RILPL2: variants seen among roughly 807,000 people sequenced by gnomAD.
RILPL2 encodes the protein Rab interacting lysosomal protein like 2, also known as RILP-like protein 2.
Under a neutral mutation model 22.2 loss-of-function variants are expected in RILPL2, and 19 were observed. The observed-to-expected ratio is 0.86, with a 90% CI of 0.60 to 1.25. The LOEUF (loss-of-function observed/expected upper bound fraction) is 1.25, where lower values mean the gene tolerates loss of function less well. Ranked by LOEUF, RILPL2 falls within the 50% of genes most tolerant of loss-of-function variation. The pLI, the probability that RILPL2 is intolerant of heterozygous loss-of-function variation, is 0.00. For missense variants in RILPL2, 243 were observed against 263.6 expected (o/e 0.92, Z 0.54); for synonymous variants, 123 against 111.6 (o/e 1.10, Z -0.64).
chr12:123,418,698 T>C (rs1249177096), intron 3 of RILPL2, among the ~76,000 whole-genome samples: 2 of 151,656 alleles, frequency 1.3e-5, no homozygotes, highest in Non-Finnish European at 2.9e-5. Context: ...TTGAAAAAAA[T>C]CCAGATTTCT....
At chr12:123,424,979 A>C (rs1238621869) in intron 2 of RILPL2, among the ~76,000 whole-genome samples, 36 of 151,852 alleles carry the variant, frequency 2.4e-4, no homozygotes, top group African/African-American at 8.5e-4. Flanking sequence ...TCCCGGGTTC[A>C]CGCCATTCTC....
At chr12:123,417,362 C>T (rs1262375689) in intron 3 of RILPL2, among the ~76,000 whole-genome samples, 1 of 151,920 alleles carries the variant, frequency 6.6e-6, no homozygotes, top group East Asian at 1.9e-4. Context: ...TCTCCCAACC[C>T]TTCTCCACAA....
chr12:123,411,034 A>T (rs1486784525), downstream of RILPL2: 2 of 148,656 alleles, frequency 1.3e-5, no homozygotes, highest in African/African-American at 2.5e-5. Context: ...ACTTATTTTT[A>T]TTTATTTATT....
chr12:123,426,740 T>C (rs1235403797), intron 2 of RILPL2, among the ~76,000 whole-genome samples: 2 of 151,976 alleles, frequency 1.3e-5, no homozygotes, highest in Admixed American at 6.6e-5. Flanking sequence ...TAGCTGGGAC[T>C]ACAGGTGCCC....
chr12:123,430,500 G>A lies in RILPL2; in HGVS notation c.491+8C>T, dbSNP rs1309613832. On this transcript the variant is annotated splice_region_variant and intron_variant, in intron 2 of 3. Coordinates refer to ENST00000280571, the MANE Select transcript of RILPL2 (RefSeq NM_145058.3). ...TGGGTGCAGGACCCTCCAGGCAGTG[G>A]AGCCCACCTCTTGTAGCACTGCAGC... The A allele has an allele frequency of 8.1e-6, 13 of 1,600,336 alleles. No homozygotes were observed. The highest frequency in any genetic ancestry group is 6.8e-5 in the Admixed American group (4 of 59,088).
intron 2 of RILPL2, among the ~76,000 whole-genome samples, chr12:123,424,268 A>C (rs979146086): frequency 6.6e-6 from 1 of 152,206 alleles, no homozygotes; most frequent in East Asian, 1.9e-4. Flanking sequence ...AGAAGGAAAC[A>C]GTCAATAAAG....
At position 123,415,723 on chromosome 12, in the gene RILPL2, G is replaced by A. The variant is rs1210175585; in HGVS notation, c.*168C>T. On this transcript the variant is annotated 3_prime_UTR_variant, in exon 4 of 4. Transcript: ENST00000280571. ...GGGTGTCTAGTTCTGCAGCCAGGGAGAAAGTGATGCCAAGAGAACCTCGTC... is the reference window on the plus strand; with the variant it reads ...GGGTGTCTAGTTCTGCAGCCAGGGAAAAAGTGATGCCAAGAGAACCTCGTC... 1.3e-6 allele frequency: 1 copy of A among 742,642 alleles called. No individual in the cohort carries two copies. The highest frequency in any genetic ancestry group is 2.5e-5 in the East Asian group (1 of 40,658). The allele number at this position is 742,642 out of a possible 1,614,324, so 46.0% of individuals were successfully genotyped here.
At chr12:123,425,652 T>C (rs1879423868) in intron 2 of RILPL2, among the ~76,000 whole-genome samples, 1 of 139,492 alleles carries the variant, frequency 7.2e-6, no homozygotes. Flanking sequence ...TCTTAATATC[T>C]ACTTTTTTTT....
At position 123,436,660 on chromosome 12, in the gene RILPL2, G is replaced by A; in HGVS notation, c.-240C>T. On this transcript the variant is annotated 5_prime_UTR_variant, in exon 1 of 4. Transcript: ENST00000280571. The surrounding 1 kb of genome is among the most constrained non-coding windows in gnomAD (Gnocchi z 6.7). ...GAGAGTGCGCTCCAGGATGTGGTTT[G>A]GGGCGCGAAGGGACAACGGAAAAGG... The A allele has an allele frequency of 1.6e-6, 1 of 617,824 alleles. No individual in the cohort carries two copies. Among genetic ancestry groups the A allele is most frequent in the South Asian group, 2.3e-5 (1 of 44,292 alleles). 38.3% of individuals were successfully genotyped at this position (617,824 alleles called of 1,614,324 possible).
intron 2 of RILPL2, among the ~76,000 whole-genome samples, chr12:123,426,350 T>C (rs1458669276): frequency 6.6e-6 from 1 of 152,034 alleles, no homozygotes; most frequent in South Asian, 2.1e-4. Context: ...AGTTTTGCCA[T>C]GTTGGCCAGG....
intron 1 of RILPL2, 64 bp from the exon 2 acceptor site, chr12:123,430,723 A>T: frequency 8.9e-7 from 1 of 1,123,216 alleles, no homozygotes; most frequent in Non-Finnish European, 1.1e-6. Flanking sequence ...TATTATTATT[A>T]TATTTTTAGA....
At chr12:123,429,802 C>T (rs1879564333) in intron 2 of RILPL2, among the ~76,000 whole-genome samples, 1 of 151,654 alleles carries the variant, frequency 6.6e-6, no homozygotes, top group African/African-American at 2.4e-5. Flanking sequence ...AGACTGGCCT[C>T]TTGTCATTCT....
intron 3 of RILPL2, among the ~76,000 whole-genome samples, chr12:123,416,885 G>T (rs929112031): frequency 6.6e-6 from 1 of 152,156 alleles, no homozygotes; most frequent in Non-Finnish European, 1.5e-5. Context: ...ATGCCTTCTG[G>T]AAGCCTGATT....
chr12:123,418,396 C>A (rs1379132669), intron 3 of RILPL2, among the ~76,000 whole-genome samples: 1 of 152,196 alleles, frequency 6.6e-6, no homozygotes, highest in Non-Finnish European at 1.5e-5. Context: ...CCTCTCTCTC[C>A]CGTTCTGTCC....
chr12:123,409,487 G>C, the RILPL2 span: 1 of 151,806 alleles, frequency 6.6e-6, no homozygotes, highest in African/African-American at 2.4e-5. Flanking sequence ...AGAACTCTGA[G>C]CTCTTTCGTT....
rs953549035 is a variant in RILPL2, at chr12:123,436,380, C to A, written c.41G>T (p.Gly14Val). The change falls in exon 1 of 4, where the codon GGA (glycine) becomes GTA (valine). Residue 14 changes from glycine to valine, a missense_variant. Coordinates refer to ENST00000280571, the MANE Select transcript of RILPL2 (RefSeq NM_145058.3). The surrounding 1 kb of genome is among the most constrained non-coding windows in gnomAD (Gnocchi z 6.7). Reference protein sequence around the residue: ...PPVREEEEEEGEEDEERDEVG... With the variant: ...PPVREEEEEEVEEDEERDEVG... ...CTCGTCCCTCTCCTCGTCCTCCTCT[C>A]CCTCCTCCTCTTCCTCTTCTCGCAC... The A allele has an allele frequency of 1.9e-6, 3 of 1,552,210 alleles. No individual in the cohort carries two copies. The African/African-American group carries it at 4.1e-5, about 21-fold the overall frequency.
At chr12:123,416,689 G>A (rs1018106738) in intron 3 of RILPL2, among the ~76,000 whole-genome samples, 2 of 152,186 alleles carry the variant, frequency 1.3e-5, no homozygotes, top group African/African-American at 4.8e-5. Context: ...TTCACTCATT[G>A]ATTCTAGTAG....
chr12:123,410,954 C>A (rs1878955955), downstream of RILPL2: 1 of 152,172 alleles, frequency 6.6e-6, no homozygotes, highest in Admixed American at 6.5e-5. Context: ...AACCCCTGGC[C>A]TCAAGCGATC....
chr12:123,410,287 C>T (rs1258994262), downstream of RILPL2, among the ~76,000 whole-genome samples: 1 of 152,222 alleles, frequency 6.6e-6, no homozygotes, highest in East Asian at 1.9e-4. Context: ...CTGCACCTGT[C>T]TTGGGCTGGA....
Sources: allele counts gnomAD v4.1 joint callset (sites outside exome capture counted in the v4.1 genomes callset), GRCh38; gene constraint gnomAD v4.1.1; non-coding constraint Gnocchi (gnomAD v3.1); transcripts MANE v1.5; gene names NCBI Gene and HGNC (gene_info 2026-07-23, HGNC 2026-07-21).